B3GAT2: variants seen among roughly 807,000 people sequenced by gnomAD.
B3GAT2 encodes the protein beta-1,3-glucuronyltransferase 2.
Under a neutral mutation model 27.8 loss-of-function variants are expected in B3GAT2, and 26 were observed. That is an observed-to-expected ratio of 0.93 (90% CI 0.68 to 1.30). The LOEUF (loss-of-function observed/expected upper bound fraction) is 1.30, where lower values mean the gene tolerates loss of function less well. Among genes scored for constraint, B3GAT2 ranks in the 50% most tolerant of loss-of-function variants. The pLI, the probability that B3GAT2 is intolerant of heterozygous loss-of-function variation, is 0.00. For missense variants in B3GAT2, 458 were observed against 459.0 expected (o/e 1.00, Z 0.02); for synonymous variants, 218 against 195.1 (o/e 1.12, Z -0.98).
chr6:70,923,938 T>A (rs1050004473), intron 1 of B3GAT2, among the ~76,000 whole-genome samples: 3 of 152,192 alleles, frequency 2.0e-5, no homozygotes, highest in Non-Finnish European at 4.4e-5. Context: ...TTTAGTTCTG[T>A]TAGTAGTATC....
intron 1 of B3GAT2, among the ~76,000 whole-genome samples, chr6:70,945,840 CAAAGGGAAGCCCATCAGA>C (rs1765473078): frequency 6.6e-6 from 1 of 151,464 alleles, no homozygotes; most frequent in East Asian, 1.9e-4. Flanking sequence ...GGGTTACCCA[CAAAGGGAAGCCCATCAGA>C]CTAACAGCCG....
intron 1 of B3GAT2, among the ~76,000 whole-genome samples, chr6:70,919,037 A>C (rs1772823747): frequency 6.6e-6 from 1 of 152,196 alleles, no homozygotes; most frequent in South Asian, 2.1e-4. Context: ...TACACCAATC[A>C]AACGTAGATT....
chr6:70,887,636 A>G (rs1007678526), intron 2 of B3GAT2, among the ~76,000 whole-genome samples: 1 of 152,158 alleles, frequency 6.6e-6, no homozygotes, highest in Non-Finnish European at 1.5e-5. Context: ...GCGGAGCCTC[A>G]ACAATTATAA....
At chr6:70,889,572 A>G (rs1007681510) in intron 2 of B3GAT2, among the ~76,000 whole-genome samples, 14 of 152,150 alleles carry the variant, frequency 9.2e-5, no homozygotes, top group Admixed American at 4.6e-4. Context: ...ACCGCCTTAC[A>G]CAACCTCAGT....
At chr6:70,912,516 C>T (rs1695971122) in intron 1 of B3GAT2, among the ~76,000 whole-genome samples, 1 of 152,186 alleles carries the variant, frequency 6.6e-6, no homozygotes, top group Admixed American at 6.5e-5. Context: ...TGATGTGCTG[C>T]TGAATTCAGA....
chr6:70,894,105 A>C (rs753086277), intron 2 of B3GAT2, 23 bp downstream of exon 2: 38 of 1,588,032 alleles, frequency 2.4e-5, no homozygotes, highest in Non-Finnish European at 3.2e-5. Context: ...GCAGGAACAA[A>C]TGTCATCACC....
At chr6:70,932,967 A>G (rs574089391) in intron 1 of B3GAT2, among the ~76,000 whole-genome samples, 31 of 152,154 alleles carry the variant, frequency 2.0e-4, no homozygotes, top group African/African-American at 6.7e-4. Flanking sequence ...ACTCACAACT[A>G]TTTAAAAATT....
At chr6:70,870,475 G>A (rs1771916285) in intron 2 of B3GAT2, among the ~76,000 whole-genome samples, 1 of 151,126 alleles carries the variant, frequency 6.6e-6, no homozygotes, top group South Asian at 2.1e-4. Flanking sequence ...ACACCAGCAT[G>A]GCACATGTAT....
At chr6:70,902,986 T>A (rs1277410313) in intron 1 of B3GAT2, among the ~76,000 whole-genome samples, 3 of 152,048 alleles carry the variant, frequency 2.0e-5, no homozygotes, top group African/African-American at 4.8e-5. Context: ...GTGACTATAG[T>A]TAATATATTA....
intron 1 of B3GAT2, among the ~76,000 whole-genome samples, chr6:70,894,758 T>C (rs574080609): frequency 1.3e-5 from 2 of 152,276 alleles, no homozygotes; most frequent in African/African-American, 4.8e-5. Context: ...ACATTAATAA[T>C]GGGATCCAGA....
chr6:70,895,169 C>T (rs1415112389), intron 1 of B3GAT2, among the ~76,000 whole-genome samples: 1 of 152,212 alleles, frequency 6.6e-6, no homozygotes. Flanking sequence ...CGCACCCTCA[C>T]AGCTGGGTGT....
rs116958383 is a variant in B3GAT2, at chr6:70,896,847, C to T, written c.592-2575G>A. Among the ~76,000 whole-genome samples the T allele has an allele frequency of 5.5e-4, 84 of 152,330 alleles. No homozygotes were observed. In the East Asian group the frequency reaches 0.015, roughly 28 times the overall value. ...GGTTGTTTCAAGCTTTTGGCTATTACAGATGAAGCTGCTACAAACTAAATA... is the reference window on the plus strand; with the variant it reads ...GGTTGTTTCAAGCTTTTGGCTATTATAGATGAAGCTGCTACAAACTAAATA... On this transcript the variant is annotated intron_variant, in intron 1 of 3. Coordinates refer to ENST00000230053, the MANE Select transcript of B3GAT2 (RefSeq NM_080742.3).
rs1368200440 is a variant in B3GAT2, at chr6:70,866,744, TGAC to T, written c.737-4769_737-4767del. 2.6e-5 allele frequency among the ~76,000 whole-genome samples: 4 copies of T among 152,142 alleles called. No homozygotes were observed. In the East Asian group the frequency reaches 7.7e-4, roughly 29 times the overall value. On this transcript the variant is annotated intron_variant, in intron 2 of 3. Transcript: ENST00000230053. ...AGACAGGGAAAAAAATTTGAAGAAA[TGAC>T]GACTGAAAAATTTACAAACTTGAAA...
intron 2 of B3GAT2, among the ~76,000 whole-genome samples, chr6:70,880,594 T>C (rs1016748360): frequency 6.6e-6 from 1 of 151,872 alleles, no homozygotes; most frequent in African/African-American, 2.4e-5. Context: ...GCTCAAGTGA[T>C]CCTTCTGGCT....
intron 2 of B3GAT2, among the ~76,000 whole-genome samples, chr6:70,867,679 A>T (rs999794356): frequency 6.6e-6 from 1 of 152,154 alleles, no homozygotes; most frequent in African/African-American, 2.4e-5. Flanking sequence ...AATCTTCCAC[A>T]CACATACACA....
At chr6:70,861,779 G>A (rs781756767) in intron 3 of B3GAT2, 30 bp from the exon 4 acceptor site, 130 of 1,613,806 alleles carry the variant, frequency 8.1e-5, no homozygotes, top group South Asian at 1.8e-4. Context: ...CTTGGGTAGC[G>A]CACTCTTCAT....
intron 1 of B3GAT2, among the ~76,000 whole-genome samples, chr6:70,909,575 G>A (rs578200037): frequency 1.6e-4 from 25 of 152,300 alleles, no homozygotes; most frequent in African/African-American, 5.8e-4. Context: ...GGAATTGACA[G>A]CTGTATCAGA....
At chr6:70,877,855 T>G (rs2150025718) in intron 2 of B3GAT2, among the ~76,000 whole-genome samples, 1 of 152,292 alleles carries the variant, frequency 6.6e-6, no homozygotes, top group South Asian at 2.1e-4. Flanking sequence ...TGTTCCTCCC[T>G]GCAAATGCTG....
At chr6:70,911,961 G>T (rs1475232026) in intron 1 of B3GAT2, among the ~76,000 whole-genome samples, 1 of 152,112 alleles carries the variant, frequency 6.6e-6, no homozygotes, top group Non-Finnish European at 1.5e-5. Context: ...TGTTGTTAGT[G>T]TAAAGGAATG....
Sources: allele counts gnomAD v4.1 joint callset (sites outside exome capture counted in the v4.1 genomes callset), GRCh38; gene constraint gnomAD v4.1.1; transcripts MANE v1.5; gene names NCBI Gene and HGNC (gene_info 2026-07-23, HGNC 2026-07-21).